The following NHERF2 variants were observed in gnomAD, a reference collection of about 807,000 sequenced individuals.
NHERF2 encodes Na(+)/H(+) exchange regulatory cofactor NHE-RF2.
the NHERF2 span, chr16:2,027,060 C>G: frequency 1.4e-6 from 2 of 1,413,614 alleles, no homozygotes; most frequent in Non-Finnish European, 1.9e-6. Flanking sequence ...GCGCGGAGAG[C>G]AGGGCTACGG....
chr16:2,029,828 G>A, the NHERF2 span: 1 of 1,491,346 alleles, frequency 6.7e-7, no homozygotes, highest in Non-Finnish European at 9.1e-7. Context: ...CTCTCCCAGA[G>A]GCTCTCTCAG....
the NHERF2 span, chr16:2,036,545 C>T: frequency 9.1e-6 from 14 of 1,546,106 alleles, 1 homozygote; most frequent in African/African-American, 9.5e-5. Context: ...GTGCCCCGCA[C>T]CTGTCCACAC....
chr16:2,038,407 C>A, the NHERF2 span: 1 of 125,654 alleles, frequency 8.0e-6, no homozygotes. Flanking sequence ...GAGACCCCCC[C>A]CCTTCCCCTC....
At chr16:2,029,220 G>C in the NHERF2 span, among the ~76,000 whole-genome samples, 2 of 152,230 alleles carry the variant, frequency 1.3e-5, no homozygotes, top group African/African-American at 2.4e-5. Flanking sequence ...CAGGCAGACT[G>C]AAAACCTGAA....
chr16:2,038,424 C>T, the NHERF2 span: 1 of 232,646 alleles, frequency 4.3e-6, no homozygotes, highest in South Asian at 3.5e-5. Flanking sequence ...CCTCCCCCTT[C>T]CCCTCCCCCT....
the NHERF2 span, chr16:2,033,442 G>A: frequency 2.6e-6 from 4 of 1,517,954 alleles, no homozygotes; most frequent in Non-Finnish European, 3.5e-6. Context: ...GGTCAGGTGG[G>A]GTGGGAGGAA....
chr16:2,037,115 A>G, the NHERF2 span: 67 of 1,250,140 alleles, frequency 5.4e-5, no homozygotes, highest in Non-Finnish European at 7.4e-5. Flanking sequence ...ACCCGATTTT[A>G]GCCCTGTCAC....
At chr16:2,036,774 C>G in the NHERF2 span, 1 of 1,613,386 alleles carries the variant, frequency 6.2e-7, no homozygotes, top group Non-Finnish European at 8.5e-7. Flanking sequence ...GAGGTGGTGG[C>G]CAGCATCAAG....
the NHERF2 span, chr16:2,036,866 G>A: frequency 2.6e-5 from 42 of 1,610,416 alleles, no homozygotes; most frequent in South Asian, 2.4e-4. Flanking sequence ...CACACCCACC[G>A]AGGAGCACGT....
At chr16:2,036,685 T>G in the NHERF2 span, 1 of 1,601,120 alleles carries the variant, frequency 6.2e-7, no homozygotes, top group Non-Finnish European at 8.5e-7. Context: ...CGTTGGGGGC[T>G]GTCTGGGCCC....
the NHERF2 span, among the ~76,000 whole-genome samples, chr16:2,027,641 C>T: frequency 1.3e-5 from 2 of 152,218 alleles, no homozygotes; most frequent in Non-Finnish European, 2.9e-5. Context: ...ATGCGCCTGC[C>T]TGTGCGTACC....
the NHERF2 span, chr16:2,037,475 C>A: frequency 9.5e-5 from 135 of 1,426,074 alleles, no homozygotes; most frequent in Non-Finnish European, 3.0e-5. Flanking sequence ...CCTCTGTGCA[C>A]ATGTGTGCGT....
the NHERF2 span, chr16:2,037,952 A>T: frequency 6.2e-7 from 1 of 1,613,562 alleles, no homozygotes; most frequent in South Asian, 1.1e-5. Flanking sequence ...GATGGACTGG[A>T]ACAGGAAGCG....
At chr16:2,038,346 C>G in the NHERF2 span, 1 of 474,664 alleles carries the variant, frequency 2.1e-6, no homozygotes, top group Non-Finnish European at 4.0e-6. Flanking sequence ...TGTGTTTTTG[C>G]TTTTTTTCCA....
chr16:2,037,969 C>T, the NHERF2 span: 8 of 1,613,600 alleles, frequency 5.0e-6, no homozygotes, highest in Non-Finnish European at 6.8e-6. Context: ...AGCGTGAAAT[C>T]TTCAGCAACT....
chr16:2,030,824 C>G, the NHERF2 span, among the ~76,000 whole-genome samples: 1 of 151,982 alleles, frequency 6.6e-6, no homozygotes, highest in Non-Finnish European at 1.5e-5. Flanking sequence ...GCCTATAGTC[C>G]CAGCTACTTG....
chr16:2,038,906 G>T, the NHERF2 span: 1 of 153,662 alleles, frequency 6.5e-6, no homozygotes, highest in African/African-American at 2.4e-5. Context: ...ACACCCTGTT[G>T]ACTTTGCACT....
the NHERF2 span, chr16:2,038,663 G>C: frequency 4.4e-4 from 116 of 263,718 alleles, 1 homozygote; most frequent in African/African-American, 2.6e-3. Context: ...GGGTCCCTAG[G>C]CCACACCCTG....
At chr16:2,033,621 T>A in the NHERF2 span, among the ~76,000 whole-genome samples, 1 of 152,168 alleles carries the variant, frequency 6.6e-6, no homozygotes, top group African/African-American at 2.4e-5. Context: ...CATGCCAGCC[T>A]CTTTGTCCGG....
Sources: gnomAD v4.1 joint callset for allele counts (sites outside exome capture counted in the v4.1 genomes callset) on GRCh38, gnomAD v4.1.1 for gene constraint, MANE v1.5 for transcripts, NCBI Gene and HGNC (gene_info 2026-07-23, HGNC 2026-07-21) for gene names.